Variants in SGK3 observed in about 807,000 individuals in gnomAD.
SGK3 encodes serine/threonine-protein kinase Sgk3.
Under a neutral mutation model 68.5 loss-of-function variants are expected in SGK3, and 47 were observed. That is an observed-to-expected ratio of 0.69 (90% CI 0.54 to 0.87). SGK3 has a LOEUF of 0.87. Among genes scored for constraint, SGK3 ranks in the 40% least tolerant of loss-of-function variants. The pLI, the probability that SGK3 is intolerant of heterozygous loss-of-function variation, is 0.00. For synonymous variants in SGK3, 181 were observed against 189.1 expected (o/e 0.96, Z 0.35); for missense variants, 479 against 575.5 (o/e 0.83, Z 1.72).
intron 13 of SGK3, among the ~76,000 whole-genome samples, chr8:66,841,683 TG>T (rs1180992981): frequency 6.6e-6 from 1 of 152,238 alleles, no homozygotes; most frequent in Non-Finnish European, 1.5e-5. Flanking sequence ...TGAAATATTT[TG>T]TAACAAAATT....
Position 66,847,190 on chromosome 8 carries a change from C to A in SGK3, c.1075-3C>A. On this transcript the variant is annotated splice_region_variant and splice_polypyrimidine_tract_variant and intron_variant, in intron 14 of 16. Transcript: ENST00000521198. ...AGTTTATTTTGCTTTTTTTTTTTTC[C>A]AGCCTCCTTTTTATTGCCGAGATGT... 6.4e-7 allele frequency: 1 copy of A among 1,567,672 alleles called. No individual in the cohort carries two copies. The highest frequency in any genetic ancestry group is 8.6e-7 in the Non-Finnish European group (1 of 1,161,756).
chr8:66,839,498 G>GATATATATATATATAT (rs58832541), intron 10 of SGK3, among the ~76,000 whole-genome samples: 1 of 41,568 alleles, frequency 2.4e-5, no homozygotes, highest in Non-Finnish European at 4.3e-5. Context: ...TATGTATGGA[G>GATATATATATATATAT]ATATATATAT....
At position 66,776,672 on chromosome 8, in the gene SGK3, T is replaced by C. The variant is rs952945509; in HGVS notation, c.-121-16944T>C. ...ATGTTATTTCTAGTTTTGATGATAG[T>C]TACTATCTTTATCTTTGACAGTTTT... On this transcript the variant is annotated intron_variant, in intron 1 of 16. Transcript: ENST00000521198. Among the ~76,000 whole-genome samples, 3 of 152,240 alleles carry C rather than the reference T, an allele frequency of 2.0e-5. No individual in the cohort carries two copies. The East Asian group carries it at 5.8e-4, about 29-fold the overall frequency.
intron 1 of SGK3, among the ~76,000 whole-genome samples, chr8:66,765,761 C>T (rs554656238): frequency 3.7e-4 from 56 of 152,250 alleles, no homozygotes; most frequent in African/African-American, 1.3e-3. Context: ...TGGTGGCTCA[C>T]GCCTGTAATC....
At chr8:66,800,379 C>CTTTTTT (rs35415180) in intron 3 of SGK3, among the ~76,000 whole-genome samples, 49 of 102,276 alleles carry the variant, frequency 4.8e-4, no homozygotes, top group South Asian at 1.0e-3. Flanking sequence ...TTTTTCATTT[C>CTTTTTT]TTTTTTTTTT....
chr8:66,752,628 A>G (rs1805852346), intron 1 of SGK3, among the ~76,000 whole-genome samples: 1 of 151,950 alleles, frequency 6.6e-6, no homozygotes, highest in Non-Finnish European at 1.5e-5. Context: ...TTCAGGCAGA[A>G]AAGTGTGCTG....
chr8:66,720,781 T>TTTTATATATATATATATATATATA (rs1554590872), intron 1 of SGK3, among the ~76,000 whole-genome samples: 1 of 146,248 alleles, frequency 6.8e-6, no homozygotes, highest in African/African-American at 2.7e-5. Flanking sequence ...AAAAAAAAAA[T>TTTTATATATATATATATATATATA]TATATATATA....
chr8:66,777,261 A>G lies in SGK3; in HGVS notation c.-121-16355A>G, dbSNP rs903882317. Among the ~76,000 whole-genome samples the G allele has an allele frequency of 2.0e-5, 3 of 152,280 alleles. No homozygotes were observed. In the East Asian group the frequency reaches 5.8e-4, roughly 29 times the overall value. ...CAACACCACACTTATATATTGACCTATTGATTGACTTATTCATTATCTGTT... is the reference window on the plus strand; with the variant it reads ...CAACACCACACTTATATATTGACCTGTTGATTGACTTATTCATTATCTGTT... On this transcript the variant is annotated intron_variant, in intron 1 of 16. Transcript: ENST00000521198.
chr8:66,723,088 T>TTC (rs1804843711), intron 1 of SGK3, among the ~76,000 whole-genome samples: 1 of 88,428 alleles, frequency 1.1e-5, no homozygotes, highest in Admixed American at 1.3e-4. Context: ...TAAGATTTTG[T>TTC]TCATATATAT....
At chr8:66,763,274 T>A (rs1445702093) in intron 1 of SGK3, among the ~76,000 whole-genome samples, 1 of 152,264 alleles carries the variant, frequency 6.6e-6, no homozygotes, top group African/African-American at 2.4e-5. Context: ...TTCTATTTTT[T>A]AGTATCTTTG....
intron 15 of SGK3, among the ~76,000 whole-genome samples, chr8:66,848,020 A>G (rs1810106048): frequency 6.6e-6 from 1 of 152,176 alleles, no homozygotes; most frequent in Non-Finnish European, 1.5e-5. Flanking sequence ...ATTGAGGAAT[A>G]TGAACTTTTG....
At chr8:66,832,557 C>G (rs1245022687) in intron 8 of SGK3, among the ~76,000 whole-genome samples, 1 of 152,048 alleles carries the variant, frequency 6.6e-6, no homozygotes, top group African/African-American at 2.4e-5. Context: ...CTCAAAATCC[C>G]CAAAATTCTA....
chr8:66,741,930 A>T (rs1019128798), intron 1 of SGK3, among the ~76,000 whole-genome samples: 2 of 152,218 alleles, frequency 1.3e-5, no homozygotes, highest in African/African-American at 4.8e-5. Context: ...AGGTGCTAGG[A>T]TGGGGGCAGT....
At chr8:66,855,266 A>G (rs1042092771) in intron 16 of SGK3, among the ~76,000 whole-genome samples, 2 of 152,174 alleles carry the variant, frequency 1.3e-5, no homozygotes, top group African/African-American at 4.8e-5. Context: ...ATAGTGGTGC[A>G]ATCTCGGCTC....
chr8:66,808,429 T>C (rs933607286), intron 4 of SGK3, among the ~76,000 whole-genome samples: 11 of 152,142 alleles, frequency 7.2e-5, no homozygotes, highest in African/African-American at 2.7e-4. Flanking sequence ...CTGTGATTAA[T>C]GTTACTGTCA....
intron 5 of SGK3, among the ~76,000 whole-genome samples, chr8:66,815,487 C>G (rs1488126719): frequency 6.6e-6 from 1 of 152,196 alleles, no homozygotes; most frequent in African/African-American, 2.4e-5. Context: ...TTTTTATTTT[C>G]TTAAACATTA....
chr8:66,779,561 A>AATATAT lies in SGK3; in HGVS notation c.-121-14019_-121-14014dup, dbSNP rs200618083. On this transcript the variant is annotated intron_variant, in intron 1 of 16. Transcript: ENST00000521198. ...ATATATATGTATATGTATGTGTGTG[A>AATATAT]ATATATATATATATATATATATATA... Among the ~76,000 whole-genome samples the AATATAT allele has an allele frequency of 9.3e-3, 832 of 89,252 alleles. 2 individuals carry two copies. Among genetic ancestry groups the AATATAT allele is most frequent in the East Asian group, 0.015 (39 of 2,612 alleles). The allele number at this position is 89,252 out of a possible 152,430, so 58.6% of individuals were successfully genotyped here.
At chr8:66,715,906 C>CA (rs764722460) in intron 1 of SGK3, among the ~76,000 whole-genome samples, 7 of 152,154 alleles carry the variant, frequency 4.6e-5, no homozygotes, top group Non-Finnish European at 1.0e-4. Flanking sequence ...TTAATGAAGC[C>CA]AGACTGAGTC....
At position 66,760,683 on chromosome 8, in the gene SGK3, A is replaced by G. The variant is rs569455696; in HGVS notation, c.-121-32933A>G. Among the ~76,000 whole-genome samples the G allele has an allele frequency of 2.6e-5, 4 of 152,212 alleles. No individual in the cohort carries two copies. In the East Asian group the frequency reaches 7.7e-4, roughly 29 times the overall value. On this transcript the variant is annotated intron_variant, in intron 1 of 16. Transcript: ENST00000521198. ...TCTGCCAAATACTTAAGTTTGGCAA[A>G]TACCATCATTTGTCCGTCATCATTT...
Sources: allele counts gnomAD v4.1 joint callset (sites outside exome capture counted in the v4.1 genomes callset), GRCh38; gene constraint gnomAD v4.1.1; transcripts MANE v1.5; gene names NCBI Gene and HGNC (gene_info 2026-07-23, HGNC 2026-07-21).